The following MPRIP variants were observed in gnomAD, a reference collection of about 807,000 sequenced individuals.
The protein encoded by MPRIP is myosin phosphatase Rho-interacting protein.
Under a neutral mutation model 234.9 loss-of-function variants are expected in MPRIP, and 59 were observed. The observed-to-expected ratio is 0.25, with a 90% CI of 0.20 to 0.31. The LOEUF is 0.31. MPRIP is among the 10% of genes least tolerant of loss of function. The pLI, the probability that MPRIP is intolerant of heterozygous loss-of-function variation, is 1.00. For synonymous variants in MPRIP, 1,144 were observed against 1,263.9 expected (o/e 0.91, Z 2.01); for missense variants, 2,436 against 3,071.0 (o/e 0.79, Z 4.89).
intron 3 of MPRIP, among the ~76,000 whole-genome samples, chr17:17,121,570 C>A (rs2090389648): frequency 6.6e-6 from 1 of 152,262 alleles, no homozygotes; most frequent in South Asian, 2.1e-4. Context: ...TGCCCTGCGC[C>A]TGTGCTGGTG....
chr17:17,183,947 A>T (rs1456403002), intron 23 of MPRIP, among the ~76,000 whole-genome samples: 1 of 152,226 alleles, frequency 6.6e-6, no homozygotes, highest in African/African-American at 2.4e-5. Context: ...AGCCACAGGG[A>T]GTCAGCAGGG....
At chr17:17,116,683 C>A (rs981418702) in intron 3 of MPRIP, among the ~76,000 whole-genome samples, 4 of 152,240 alleles carry the variant, frequency 2.6e-5, no homozygotes, top group African/African-American at 9.6e-5. Flanking sequence ...AGTCCCCAGT[C>A]TGTATTGGTG....
At position 17,180,205 on chromosome 17, in the gene MPRIP, C is replaced by T. The variant is rs1269868767; in HGVS notation, c.7206+117C>T. On this transcript the variant is annotated intron_variant, in intron 23 of 23. Coordinates refer to ENST00000651222, the MANE Select transcript of MPRIP (RefSeq NM_001364716.4). ...CAGCTGCCAAAGCCCCAGGGCCCAG[C>T]ACTGAGCCAGCCCGAGCTCACCCTG... The T allele has an allele frequency of 6.7e-6, 6 of 894,878 alleles. 1 individual carries two copies. In the African/African-American group the frequency reaches 8.4e-5, roughly 13 times the overall value. The allele number at this position is 894,878 out of a possible 1,614,324, so 55.4% of individuals were successfully genotyped here. A position where few individuals can be genotyped will look rare whatever the true frequency, so the allele number is the denominator to read the frequency against.
At chr17:17,055,883 A>G (rs2088680393) in intron 1 of MPRIP, among the ~76,000 whole-genome samples, 1 of 152,216 alleles carries the variant, frequency 6.6e-6, no homozygotes, top group Admixed American at 6.5e-5. Context: ...GCCATGTGCC[A>G]GGCCACTATT....
chr17:17,128,892 T>A (rs1372934326), intron 4 of MPRIP, among the ~76,000 whole-genome samples: 2 of 152,168 alleles, frequency 1.3e-5, no homozygotes, highest in Non-Finnish European at 2.9e-5. Flanking sequence ...TGTTTCCCAT[T>A]ATAACTCCTC....
chr17:17,102,183 C>T (rs2144224639), intron 3 of MPRIP, among the ~76,000 whole-genome samples: 1 of 152,304 alleles, frequency 6.6e-6, no homozygotes, highest in South Asian at 2.1e-4. Flanking sequence ...CCACCGCACC[C>T]AGCCTCCCTT....
In MPRIP at chr17:17,144,029, C is replaced by T. The variant is rs1315907237; in HGVS notation, c.1503+360C>T. Among the ~76,000 whole-genome samples, 3 of 152,314 alleles carry T rather than the reference C, an allele frequency of 2.0e-5. No homozygotes were observed. In the East Asian group the frequency reaches 5.8e-4, roughly 29 times the overall value. On this transcript the variant is annotated intron_variant, in intron 9 of 23. Transcript: ENST00000651222. ...TTTGTGGCACTTCGGAGGCAGAGGC[C>T]ACGTCTTGCTGGAGCTTGTCTCGTT...
intron 9 of MPRIP, among the ~76,000 whole-genome samples, chr17:17,145,763 G>A (rs868596852): frequency 4.7e-4 from 71 of 152,294 alleles, no homozygotes; most frequent in African/African-American, 1.3e-3. Flanking sequence ...TGTACAGGCC[G>A]GAGCCCACAC....
intron 2 of MPRIP, 67 bp downstream of exon 2, chr17:17,075,854 A>G: frequency 2.1e-6 from 3 of 1,461,434 alleles, no homozygotes; most frequent in African/African-American, 2.8e-5. Context: ...GTGAACTGGC[A>G]GAGTGGAAGA....
At chr17:17,179,846 A>C (rs1394354501) in intron 22 of MPRIP, among the ~76,000 whole-genome samples, 157 bp from the exon 23 acceptor site, 1 of 152,084 alleles carries the variant, frequency 6.6e-6, no homozygotes, top group Non-Finnish European at 1.5e-5. Flanking sequence ...AGCATGTTTT[A>C]TGGTTATTGG....
intron 5 of MPRIP, 95 bp from the exon 6 acceptor site, chr17:17,136,124 C>T (rs1341448115): frequency 1.5e-6 from 2 of 1,327,236 alleles, no homozygotes; most frequent in East Asian, 2.3e-5. Context: ...TGTAGCTGGC[C>T]CGGGTGCCCC....
At chr17:17,080,771 G>C (rs2089444042) in intron 3 of MPRIP, among the ~76,000 whole-genome samples, 1 of 152,262 alleles carries the variant, frequency 6.6e-6, no homozygotes, top group Admixed American at 6.5e-5. Context: ...AAATGAAAAT[G>C]TAAATGTGAT....
intron 1 of MPRIP, among the ~76,000 whole-genome samples, chr17:17,063,634 C>T (rs2088932262): frequency 6.6e-6 from 1 of 152,188 alleles, no homozygotes; most frequent in African/African-American, 2.4e-5. Context: ...GTCTGACTAC[C>T]TTTCTCCCCA....
chr17:17,072,122 C>T (rs984554598), intron 1 of MPRIP, among the ~76,000 whole-genome samples: 1 of 152,204 alleles, frequency 6.6e-6, no homozygotes, highest in Non-Finnish European at 1.5e-5. Flanking sequence ...TGCGTGGGAG[C>T]CTCTGCCCGT....
In MPRIP at chr17:17,164,540, G is replaced by A. The variant is rs2045941115; in HGVS notation, c.2949G>A (p.Gln983=). The change falls in exon 16 of 24, where the codon CAG becomes CAA. Residue 983 remains glutamine, a synonymous_variant. Coordinates refer to ENST00000651222, the MANE Select transcript of MPRIP (RefSeq NM_001364716.4). ...GCCTGGAGACACAGCAGGCGCTGCA[G>A]CGGGACCGGCAGAAGGAGGTCCAGA... ...LRGLETQQAL[Q]RDRQKEVQRL... 1.7e-6 allele frequency: 2 copies of A among 1,208,858 alleles called. No individual in the cohort carries two copies. Among genetic ancestry groups the A allele is most frequent in the Non-Finnish European group, 2.1e-6 (2 of 946,934 alleles). 74.9% of individuals were successfully genotyped at this position (1,208,858 alleles called of 1,614,324 possible).
At chr17:17,104,222 C>T (rs1271725884) in intron 3 of MPRIP, among the ~76,000 whole-genome samples, 1 of 152,192 alleles carries the variant, frequency 6.6e-6, no homozygotes, top group African/African-American at 2.4e-5. Flanking sequence ...AGTCGTCCCA[C>T]TGCTATGTGA....
intron 3 of MPRIP, among the ~76,000 whole-genome samples, chr17:17,084,199 C>T (rs1183143607): frequency 1.3e-5 from 2 of 152,210 alleles, no homozygotes; most frequent in Admixed American, 6.5e-5. Context: ...TGAGAGGACA[C>T]TAGGCCATGG....
At chr17:17,067,317 T>C (rs2089061774) in intron 1 of MPRIP, among the ~76,000 whole-genome samples, 1 of 152,192 alleles carries the variant, frequency 6.6e-6, no homozygotes, top group Admixed American at 6.5e-5. Context: ...ATCACTACTC[T>C]TGTGCTTTGG....
intron 14 of MPRIP, among the ~76,000 whole-genome samples, chr17:17,160,540 T>G (rs754720454): frequency 6.6e-5 from 10 of 152,100 alleles, no homozygotes; most frequent in Non-Finnish European, 1.2e-4. Flanking sequence ...CTGGGAGGTG[T>G]GTAGGGAAGA....
Sources: gnomAD v4.1 joint callset for allele counts (sites outside exome capture counted in the v4.1 genomes callset) on GRCh38, gnomAD v4.1.1 for gene constraint, MANE v1.5 for transcripts, NCBI Gene and HGNC (gene_info 2026-07-23, HGNC 2026-07-21) for gene names.